Variants in SH2D4A observed in about 807,000 individuals in gnomAD.
The protein encoded by SH2D4A is SH2 domain-containing protein 4A.
SH2D4A carries 70 observed loss-of-function variants against 64.7 expected under a neutral mutation model. The ratio of observed to expected loss-of-function variants is 1.08; its 90% CI spans 0.89 to 1.32. The LOEUF is 1.32. Ranked by LOEUF, SH2D4A falls within the 40% of genes most tolerant of loss-of-function variation. The pLI, the probability that SH2D4A is intolerant of heterozygous loss-of-function variation, is 0.00. For missense variants in SH2D4A, 706 were observed against 540.1 expected (o/e 1.31, Z -3.04); for synonymous variants, 268 against 200.7 (o/e 1.34, Z -2.83).
chr8:19,380,554 A>G (rs1216725032), intron 8 of SH2D4A, among the ~76,000 whole-genome samples: 2 of 152,098 alleles, frequency 1.3e-5, no homozygotes, highest in South Asian at 4.1e-4. Context: ...TTTATATATG[A>G]TGTTAGATAA....
At chr8:19,351,520 G>C (rs1002698554) in intron 4 of SH2D4A, among the ~76,000 whole-genome samples, 1 of 151,906 alleles carries the variant, frequency 6.6e-6, no homozygotes, top group Non-Finnish European at 1.5e-5. Flanking sequence ...GGAGAATGGC[G>C]TGAACCCAGG....
At chr8:19,339,012 C>T (rs1163778335) in intron 4 of SH2D4A, among the ~76,000 whole-genome samples, 1 of 152,220 alleles carries the variant, frequency 6.6e-6, no homozygotes, top group African/African-American at 2.4e-5. Flanking sequence ...CGGTACAAGT[C>T]CCCAAACCTC....
chr8:19,340,009 AGTGCT>A lies in SH2D4A; in HGVS notation c.513+5156_513+5160del, dbSNP rs1338421044. 4.6e-5 allele frequency among the ~76,000 whole-genome samples: 7 copies of A among 152,294 alleles called. No individual in the cohort carries two copies. In the East Asian group the frequency reaches 7.7e-4, roughly 17 times the overall value. On this transcript the variant is annotated intron_variant, in intron 4 of 9. Coordinates refer to ENST00000265807, the MANE Select transcript of SH2D4A (RefSeq NM_022071.4). The stretch of plus-strand genomic sequence containing the variant: ...TAACATATAATTTCAAACAATAACA[AGTGCT>A]GTGACTTAAGGGATAGGTTTCTGTT...
intron 4 of SH2D4A, among the ~76,000 whole-genome samples, chr8:19,338,255 A>G (rs1293018585): frequency 6.6e-6 from 1 of 152,170 alleles, no homozygotes; most frequent in African/African-American, 2.4e-5. Flanking sequence ...AATAATTTGA[A>G]TCCTGCATCC....
rs1184577362 is a variant in SH2D4A, at chr8:19,395,218, G to A, written c.*576G>A. ...GAGGCTTAACATGCATGAAAATACAGATGGACCTGCAGGAAAGTGAGCAAA... is the reference window on the plus strand; with the variant it reads ...GAGGCTTAACATGCATGAAAATACAAATGGACCTGCAGGAAAGTGAGCAAA... On this transcript the variant is annotated 3_prime_UTR_variant, in exon 10 of 10. Coordinates refer to ENST00000265807, the MANE Select transcript of SH2D4A (RefSeq NM_022071.4). 2.0e-5 allele frequency: 3 copies of A among 152,256 alleles called. No homozygotes were observed. The highest frequency in any genetic ancestry group is 1.3e-4 in the Admixed American group (2 of 15,288). 9.4% of individuals were successfully genotyped at this position (152,256 alleles called of 1,614,324 possible).
intron 7 of SH2D4A, among the ~76,000 whole-genome samples, chr8:19,371,350 G>A (rs959940198): frequency 6.6e-6 from 1 of 151,534 alleles, no homozygotes; most frequent in African/African-American, 2.4e-5. Flanking sequence ...AGTATTCTGG[G>A]TTGCATTTTT....
At chr8:19,314,410 C>A (rs1241668522) in intron 1 of SH2D4A, among the ~76,000 whole-genome samples, 5 of 152,092 alleles carry the variant, frequency 3.3e-5, no homozygotes, top group Non-Finnish European at 5.9e-5. Flanking sequence ...GGTCTGGGAG[C>A]GCGCGGAGGC....
intron 4 of SH2D4A, among the ~76,000 whole-genome samples, chr8:19,339,622 C>T (rs948669924): frequency 1.3e-5 from 2 of 151,630 alleles, no homozygotes; most frequent in African/African-American, 2.4e-5. Context: ...GTCCCAGCCT[C>T]TCTAGTAGCT....
At chr8:19,314,169 G>A in intron 1 of SH2D4A, 4 of 940,998 alleles carry the variant, frequency 4.3e-6, no homozygotes, top group Non-Finnish European at 5.3e-6. Context: ...GGACCTTCGG[G>A]GAAGTTCTGG....
rs751971253 is a variant in SH2D4A at position 19,361,319 on chromosome 8, G to A, written c.706+5G>A. On this transcript the variant is annotated splice_donor_5th_base_variant and intron_variant, in intron 6 of 9. Transcript: ENST00000265807. ...ACTCGGAATGGCAGGCATCTCGTGA[G>A]TACCCAGAGGTCTCCATAGCACCTT... 4 of 1,601,584 alleles carry A rather than the reference G, an allele frequency of 2.5e-6. No individual in the cohort carries two copies. In the Admixed American group the frequency reaches 5.3e-5, roughly 21 times the overall value.
At position 19,382,823 on chromosome 8, in the gene SH2D4A, C is replaced by CTTTTTTTTTTTTTTTTTTTTTTT. The variant is rs1159245319; in HGVS notation, c.1048+9166_1048+9188dup. Among the ~76,000 whole-genome samples the CTTTTTTTTTTTTTTTTTTTTTTT allele has an allele frequency of 1.1e-3, 69 of 64,626 alleles. 8 individuals carry two copies. The highest frequency in any genetic ancestry group is 1.5e-3 in the Non-Finnish European group (52 of 34,650). The allele number at this position is 64,626 out of a possible 152,430, so 42.4% of individuals were successfully genotyped here. A position where few individuals can be genotyped will look rare whatever the true frequency, so the allele number is the denominator to read the frequency against. ...TTTCTCTCTTGCTGCTTTTAAGATTCTTTTTTTTTTTTTTTTTTTTTTTTT... is the reference window on the plus strand; with the variant it reads ...TTTCTCTCTTGCTGCTTTTAAGATTCTTTTTTTTTTTTTTTTTTTTTTTTTTTTTTTTTTTTTTTTTTTTTTTT... On this transcript the variant is annotated intron_variant, in intron 8 of 9. Coordinates refer to ENST00000265807, the MANE Select transcript of SH2D4A (RefSeq NM_022071.4).
At chr8:19,349,078 G>A (rs1231825132) in intron 4 of SH2D4A, among the ~76,000 whole-genome samples, 2 of 152,154 alleles carry the variant, frequency 1.3e-5, no homozygotes, top group African/African-American at 4.8e-5. Context: ...TTCCAAGCTA[G>A]GAGTCATTTG....
chr8:19,364,057 C>G lies in SH2D4A; in HGVS notation c.707-15C>G, dbSNP rs1192430794. 1 of 1,613,512 alleles carries G rather than the reference C, an allele frequency of 6.2e-7. No individual in the cohort carries two copies. The highest frequency in any genetic ancestry group is 8.5e-7 in the Non-Finnish European group (1 of 1,179,780). Reference sequence around the variant, plus strand: ...GGGCTGATGAGGGTTTTCTCCGACCCCGTTGTTTTTCCAGTGCGAAAATCC... The same window carrying G: ...GGGCTGATGAGGGTTTTCTCCGACCGCGTTGTTTTTCCAGTGCGAAAATCC... On this transcript the variant is annotated splice_polypyrimidine_tract_variant and intron_variant, in intron 6 of 9. Coordinates refer to ENST00000265807, the MANE Select transcript of SH2D4A (RefSeq NM_022071.4).
At chr8:19,323,159 C>G (rs533778967) in intron 2 of SH2D4A, among the ~76,000 whole-genome samples, 1 of 151,910 alleles carries the variant, frequency 6.6e-6, no homozygotes, top group Non-Finnish European at 1.5e-5. Flanking sequence ...ACAGCCGCAC[C>G]GTCCAGTGCA....
At chr8:19,363,925 T>G in intron 6 of SH2D4A, 147 bp from the exon 7 acceptor site, 1 of 707,430 alleles carries the variant, frequency 1.4e-6, no homozygotes, top group Non-Finnish European at 2.3e-6. Context: ...GCCTGGATCA[T>G]AGGTGTTGAT....
chr8:19,322,381 T>C (rs1186312903), intron 2 of SH2D4A, among the ~76,000 whole-genome samples: 1 of 152,156 alleles, frequency 6.6e-6, no homozygotes, highest in Non-Finnish European at 1.5e-5. Flanking sequence ...TAAGTGCTGC[T>C]TTTTCTTAGC....
At chr8:19,352,898 A>C (rs2052730201) in intron 4 of SH2D4A, among the ~76,000 whole-genome samples, 1 of 152,094 alleles carries the variant, frequency 6.6e-6, no homozygotes, top group Non-Finnish European at 1.5e-5. Flanking sequence ...AGTCCCAGCT[A>C]CTTTGGGGGA....
chr8:19,378,379 A>G (rs2053231472), intron 8 of SH2D4A, among the ~76,000 whole-genome samples: 1 of 152,098 alleles, frequency 6.6e-6, no homozygotes, highest in South Asian at 2.1e-4. Context: ...TGGAGACTCT[A>G]TTTATTATGT....
At chr8:19,334,455 T>G (rs2052412546) in intron 3 of SH2D4A, among the ~76,000 whole-genome samples, 1 of 152,076 alleles carries the variant, frequency 6.6e-6, no homozygotes, top group Admixed American at 6.5e-5. Context: ...ATTACAAAAT[T>G]TCTTGGAGCT....
Sources: gnomAD v4.1 joint callset for allele counts (sites outside exome capture counted in the v4.1 genomes callset) on GRCh38, gnomAD v4.1.1 for gene constraint, MANE v1.5 for transcripts, NCBI Gene and HGNC (gene_info 2026-07-23, HGNC 2026-07-21) for gene names.